Variants in BRD4 observed in about 807,000 individuals in gnomAD.
BRD4 encodes bromodomain containing 4, also known as bromodomain-containing protein 4.
Under a neutral mutation model 142.1 loss-of-function variants are expected in BRD4, and 16 were observed. The observed-to-expected ratio is 0.11, with a 90% CI of 0.08 to 0.17. The LOEUF (loss-of-function observed/expected upper bound fraction) is 0.17. BRD4 is among the 10% of genes least tolerant of loss of function. The pLI is 1.00. For synonymous variants in BRD4, 833 were observed against 707.5 expected (o/e 1.18, Z -2.82); for missense variants, 1,424 against 1,810.9 (o/e 0.79, Z 3.88).
intron 1 of BRD4, among the ~76,000 whole-genome samples, chr19:15,327,662 T>C (rs1266803664): frequency 1.3e-5 from 2 of 152,116 alleles, no homozygotes; most frequent in Non-Finnish European, 2.9e-5. Context: ...AAACAAAATG[T>C]AGCATAGCCA....
intron 1 of BRD4, among the ~76,000 whole-genome samples, chr19:15,306,053 C>T (rs1033320983): frequency 1.3e-5 from 2 of 152,164 alleles, no homozygotes; most frequent in Admixed American, 6.5e-5. Context: ...TACGGCCTTG[C>T]TAGATTAGGC....
rs567892805 is a variant in BRD4 at position 15,237,925 on chromosome 19, T to C, written c.*452A>G. On this transcript the variant is annotated 3_prime_UTR_variant, in exon 20 of 20. Coordinates refer to ENST00000679869, the MANE Select transcript of BRD4 (RefSeq NM_001379291.1). ...CCCACGCAGGCCTGCCCTGGCCTCC[T>C]GGGAGCGGGCGGCGATGGCTGGGGT... The C allele has an allele frequency of 2.4e-4, 58 of 242,704 alleles. No homozygotes were observed. The highest frequency in any genetic ancestry group is 1.3e-3 in the Admixed American group (25 of 18,636). The allele number at this position is 242,704 out of a possible 1,614,324, so 15.0% of individuals were successfully genotyped here. A position where few individuals can be genotyped will look rare whatever the true frequency, so the allele number is the denominator to read the frequency against.
Position 15,278,543 on chromosome 19 carries a change from CAAAAAAA to C in BRD4, c.-34-5417_-34-5411del, listed in dbSNP as rs1235423521. 7.9e-3 allele frequency among the ~76,000 whole-genome samples: 595 copies of C among 74,918 alleles called. 7 individuals carry two copies. The highest frequency in any genetic ancestry group is 0.031 in the African/African-American group (569 of 18,082). 49.1% of individuals were successfully genotyped at this position (74,918 alleles called of 152,430 possible). On this transcript the variant is annotated intron_variant, in intron 1 of 19. Coordinates refer to ENST00000679869, the MANE Select transcript of BRD4 (RefSeq NM_001379291.1). ...AAGCAAGACTCTGCCCAACCCCCGC[CAAAAAAA>C]AAAAAAAAAAAAAAGAAATAACTAT...
Position 15,254,986 on chromosome 19 carries a change from CAA to C in BRD4, c.2047+309_2047+310del, listed in dbSNP as rs1328058855. 7.9e-5 allele frequency among the ~76,000 whole-genome samples: 12 copies of C among 152,236 alleles called. No individual in the cohort carries two copies. The East Asian group carries it at 1.9e-3, about 25-fold the overall frequency. On this transcript the variant is annotated intron_variant, in intron 10 of 19. Transcript: ENST00000679869. ...TGCAGACCCGCCTTTCCTCCTTCCC[CAA>C]AGAGGCCGGAGGAAGACTCAGCAGC...
intron 1 of BRD4, among the ~76,000 whole-genome samples, chr19:15,296,865 C>CTAG (rs1180484450): frequency 6.6e-6 from 1 of 152,230 alleles, no homozygotes; most frequent in African/African-American, 2.4e-5. Flanking sequence ...CTCCCTGGTT[C>CTAG]TCTAGGCATA....
intron 1 of BRD4, among the ~76,000 whole-genome samples, chr19:15,321,876 T>C (rs184302709): frequency 2.6e-5 from 4 of 152,142 alleles, no homozygotes; most frequent in Admixed American, 2.6e-4. Context: ...TCCCTCACCC[T>C]ACCCCCTACA....
chr19:15,265,182 C>T (rs1450566568), intron 5 of BRD4, among the ~76,000 whole-genome samples, 172 bp downstream of exon 5: 1 of 152,160 alleles, frequency 6.6e-6, no homozygotes, highest in Admixed American at 6.5e-5. Flanking sequence ...AATTATGGGA[C>T]CTTTGAGTCA....
In BRD4 at chr19:15,242,987, G is replaced by C; in HGVS notation, c.3082C>G (p.Pro1028Ala). The C allele has an allele frequency of 6.4e-7, 1 of 1,573,754 alleles. No homozygotes were observed. The change falls in exon 14 of 20, where the codon CCA (proline) becomes GCA (alanine). Residue 1028 changes from proline (P) to alanine (A), a missense_variant. Physicochemically the swap from Pro to Ala is conservative, Grantham distance 27. Around this residue, in one of 16 missense-constraint regions of BRD4, gnomAD observed 598 missense variants for 647.8 expected, o/e 0.92. Coordinates refer to ENST00000679869, the MANE Select transcript of BRD4 (RefSeq NM_001379291.1). ...GGCTTGGCAGGCTGCGGCGGGGGTGGCTGCTGGCCTGGGGGCGGATGGGGG... is the reference window on the plus strand; with the variant it reads ...GGCTTGGCAGGCTGCGGCGGGGGTGCCTGCTGGCCTGGGGGCGGATGGGGG... The part of the protein sequence containing the change: ...QPPHPPPGQQ[P>A]PPPQPAKPQQ...
intron 1 of BRD4, among the ~76,000 whole-genome samples, chr19:15,281,429 A>G (rs1447181606): frequency 6.6e-6 from 1 of 152,244 alleles, no homozygotes; most frequent in Non-Finnish European, 1.5e-5. Context: ...TCAGGAGGCC[A>G]GGAAACTGGG....
intron 7 of BRD4, among the ~76,000 whole-genome samples, chr19:15,262,628 T>C (rs1431240609): frequency 6.8e-6 from 1 of 147,116 alleles, no homozygotes; most frequent in African/African-American, 2.5e-5. Context: ...GAGGCTGAGG[T>C]GGGAGGATCG....
At chr19:15,281,226 C>T (rs575425405) in intron 1 of BRD4, among the ~76,000 whole-genome samples, 6 of 152,182 alleles carry the variant, frequency 3.9e-5, no homozygotes, top group African/African-American at 1.4e-4. Context: ...CCCTGCCCCC[C>T]ACCCCTTGGA....
intron 1 of BRD4, among the ~76,000 whole-genome samples, chr19:15,316,535 G>A (rs1374013872): frequency 6.6e-6 from 1 of 151,960 alleles, no homozygotes; most frequent in East Asian, 1.9e-4. Flanking sequence ...AGGTTGCAGT[G>A]AGCTGAGACC....
Position 15,244,751 on chromosome 19 carries a change from T to G in BRD4, c.2170A>C (p.Lys724Gln). Residue 724 changes from lysine (K) to glutamine (Q), a missense_variant, in exon 12 of 20, where the codon AAG (lysine) becomes CAG (glutamine). By Grantham distance (53) the Lys-to-Gln change is moderately conservative. This residue lies in a region of BRD4 where 598 missense variants were observed against 647.8 expected (regional missense o/e 0.92). Transcript: ENST00000679869. ...SEDSETEMAP[K>Q]SKKKGHPGRE... is the part of the protein sequence containing the mutation. Reference sequence around the variant, plus strand: ...CCGGGGTGCCCCTTCTTTTTTGACTTCGGAGCCATCTCTGCAGAGGAAAAG... The same window carrying G: ...CCGGGGTGCCCCTTCTTTTTTGACTGCGGAGCCATCTCTGCAGAGGAAAAG... 1 of 1,614,068 alleles carries G rather than the reference T, an allele frequency of 6.2e-7. No individual in the cohort carries two copies. Among genetic ancestry groups the G allele is most frequent in the Non-Finnish European group, 8.5e-7 (1 of 1,179,996 alleles).
intron 2 of BRD4, 99 bp from the exon 3 acceptor site, chr19:15,269,141 TC>T: frequency 1.4e-6 from 2 of 1,390,112 alleles, no homozygotes; most frequent in Non-Finnish European, 2.0e-6. Flanking sequence ...CCCTGGCTGC[TC>T]CACAGGTAAA....
chr19:15,265,223 A>G (rs2047519085), intron 5 of BRD4, 131 bp downstream of exon 5: 2 of 957,274 alleles, frequency 2.1e-6, no homozygotes, highest in African/African-American at 1.7e-5. Context: ...CTGCAATTTC[A>G]ACACAGCAAG....
intron 1 of BRD4, among the ~76,000 whole-genome samples, chr19:15,282,473 T>C (rs755122158): frequency 5.3e-5 from 8 of 152,172 alleles, no homozygotes; most frequent in Non-Finnish European, 1.2e-4. Flanking sequence ...CGGCCACACA[T>C]GTAAAAACTA....
At chr19:15,325,058 G>A (rs779804675) in intron 1 of BRD4, among the ~76,000 whole-genome samples, 2 of 152,086 alleles carry the variant, frequency 1.3e-5, no homozygotes, top group Non-Finnish European at 2.9e-5. Flanking sequence ...CTGACCCCTG[G>A]CTTCCTCTTC....
intron 1 of BRD4, among the ~76,000 whole-genome samples, chr19:15,307,906 G>C (rs1034134298): frequency 6.6e-6 from 1 of 150,564 alleles, no homozygotes; most frequent in Admixed American, 6.6e-5. Context: ...CTTGAGGCCG[G>C]GAGTTCGAGA....
At chr19:15,329,530 G>C (rs979009640) in intron 1 of BRD4, among the ~76,000 whole-genome samples, 1 of 152,000 alleles carries the variant, frequency 6.6e-6, no homozygotes, top group Non-Finnish European at 1.5e-5. Flanking sequence ...CACGAGATCA[G>C]GAGATCGAGA....
Sources: allele counts gnomAD v4.1 joint callset (sites outside exome capture counted in the v4.1 genomes callset), GRCh38; gene constraint gnomAD v4.1.1; regional missense constraint gnomAD v4.1.1; transcripts MANE v1.5; gene names NCBI Gene and HGNC (gene_info 2026-07-23, HGNC 2026-07-21).